The following RASGRF2 variants were observed in gnomAD, a reference collection of about 807,000 sequenced individuals.
RASGRF2 encodes Ras protein specific guanine nucleotide releasing factor 2.
In RASGRF2, 76 loss-of-function variants were observed where a neutral mutation model predicts 151.0. The ratio of observed to expected loss-of-function variants is 0.50; its 90% confidence interval spans 0.42 to 0.61. The LOEUF is 0.61. RASGRF2 is among the 20% of genes least tolerant of loss of function. The pLI, the probability that RASGRF2 is intolerant of heterozygous loss-of-function variation, is 0.00. For missense variants in RASGRF2, 1,148 were observed against 1,564.6 expected, an observed-to-expected ratio of 0.73 and a Z score of 4.49; for synonymous variants, 504 against 566.5, an observed-to-expected ratio of 0.89 and a Z score of 1.57.
At position 81,028,862 on chromosome 5, in the gene RASGRF2, C is replaced by T. The variant is rs181474722; in HGVS notation, c.289-14015C>T. Among the ~76,000 whole-genome samples, 560 of 152,226 alleles carry T rather than the reference C, an allele frequency of 3.7e-3. 13 individuals carry two copies. The highest frequency in any genetic ancestry group is 0.027 in the Admixed American group (419 of 15,302). ...AAGCAGGGCAGGGCATCACCTCACC[C>T]GGGAAGTGCAAGGGGTCGGGGAATT... On this transcript the variant is annotated intron_variant, in intron 1 of 26. Coordinates refer to ENST00000265080, the MANE Select transcript of RASGRF2 (RefSeq NM_006909.3).
At chr5:81,105,836 C>G (rs1305164330) in intron 12 of RASGRF2, among the ~76,000 whole-genome samples, 1 of 152,164 alleles carries the variant, frequency 6.6e-6, no homozygotes, top group Non-Finnish European at 1.5e-5. Context: ...TTGGGAAGAA[C>G]AGGGATGATG....
intron 1 of RASGRF2, among the ~76,000 whole-genome samples, chr5:80,985,945 A>ATG (rs749104439): frequency 4.2e-5 from 6 of 141,438 alleles, no homozygotes; most frequent in Non-Finnish European, 6.5e-5. Flanking sequence ...GTGTGTGTGT[A>ATG]TGTGTGTGTA....
At chr5:81,041,804 G>GT (rs1352097771) in intron 1 of RASGRF2, among the ~76,000 whole-genome samples, 1 of 152,132 alleles carries the variant, frequency 6.6e-6, no homozygotes, top group African/African-American at 2.4e-5. Flanking sequence ...TAATCAGTAT[G>GT]TAGAACCATT....
intron 1 of RASGRF2, among the ~76,000 whole-genome samples, chr5:80,961,427 T>C (rs1448601451): frequency 6.6e-6 from 1 of 152,212 alleles, no homozygotes; most frequent in Non-Finnish European, 1.5e-5. Flanking sequence ...AAAAGTTTGA[T>C]TTCTGCCATA....
At chr5:81,118,598 C>T (rs1236191609) in intron 15 of RASGRF2, among the ~76,000 whole-genome samples, 1 of 152,190 alleles carries the variant, frequency 6.6e-6, no homozygotes, top group Non-Finnish European at 1.5e-5. Flanking sequence ...ATCTTTTTAG[C>T]GAAAGGTCAC....
At position 81,112,683 on chromosome 5, in the gene RASGRF2, C is replaced by T; in HGVS notation, c.1912C>T (p.Gln638Ter). 2 of 1,614,212 alleles carry T rather than the reference C, an allele frequency of 1.2e-6. No individual in the cohort carries two copies. Among genetic ancestry groups the T allele is most frequent in the Non-Finnish European group, 1.7e-6 (2 of 1,180,036 alleles). ...AACACTCAACTCCTGCAAAGTGCCC[C>T]AGATCCGTTATGCCAGCGTGGAGCG... The part of the protein sequence containing the change: ...SKTLNSCKVP[Q>*]IRYASVERLL... Residue 638 changes from glutamine (Q) to a stop codon, truncating the protein, a stop_gained, in exon 14 of 27, where the codon CAG (glutamine) becomes TAG (stop). Coordinates refer to ENST00000265080, the MANE Select transcript of RASGRF2 (RefSeq NM_006909.3). LOFTEE classifies it high-confidence loss of function.
chr5:81,051,796 G>T (rs1055981548), intron 2 of RASGRF2, among the ~76,000 whole-genome samples: 3 of 152,080 alleles, frequency 2.0e-5, no homozygotes, highest in Admixed American at 6.6e-5. Context: ...GTGTGCATTT[G>T]TACATGAACA....
chr5:81,153,684 T>C (rs548003962), intron 17 of RASGRF2, among the ~76,000 whole-genome samples: 106 of 152,148 alleles, frequency 7.0e-4, no homozygotes, highest in African/African-American at 2.4e-3. Flanking sequence ...AGAAAGCAAA[T>C]AGAAAAATGG....
At chr5:80,961,485 G>A (rs756388056) in intron 1 of RASGRF2, among the ~76,000 whole-genome samples, 2 of 152,200 alleles carry the variant, frequency 1.3e-5, no homozygotes, top group East Asian at 1.9e-4. Flanking sequence ...TTTGACCACT[G>A]GTTGGGCTGG....
Position 80,973,757 on chromosome 5 carries a change from C to G in RASGRF2, c.288+12731C>G, listed in dbSNP as rs542679853. ...GGAAGTGGCCAAGAAGTGATGATCC[C>G]TTTTTGGGGATAGTACATTCAATGA... On this transcript the variant is annotated intron_variant, in intron 1 of 26. Transcript: ENST00000265080. Among the ~76,000 whole-genome samples, 7 of 152,274 alleles carry G rather than the reference C, an allele frequency of 4.6e-5. No individual in the cohort carries two copies. The South Asian group carries it at 1.2e-3, about 27-fold the overall frequency.
chr5:81,180,787 T>C (rs1425442931), intron 18 of RASGRF2, among the ~76,000 whole-genome samples: 1 of 151,604 alleles, frequency 6.6e-6, no homozygotes, highest in Non-Finnish European at 1.5e-5. Flanking sequence ...TTTTGTCTCA[T>C]GCCCGTTGAT....
intron 17 of RASGRF2, among the ~76,000 whole-genome samples, chr5:81,171,624 C>A (rs911686730): frequency 1.2e-4 from 18 of 151,920 alleles, no homozygotes; most frequent in African/African-American, 4.4e-4. Context: ...TTTTCAAAGG[C>A]CTTTCTGAGT....
chr5:81,134,700 C>G (rs966652766), intron 17 of RASGRF2, among the ~76,000 whole-genome samples: 3 of 152,144 alleles, frequency 2.0e-5, no homozygotes, highest in African/African-American at 7.2e-5. Context: ...CTCCATATTA[C>G]TTGTAGTAGA....
chr5:81,189,790 C>T (rs1755116150), intron 18 of RASGRF2, among the ~76,000 whole-genome samples: 1 of 150,748 alleles, frequency 6.6e-6, no homozygotes, highest in South Asian at 2.1e-4. Flanking sequence ...TGGCTCACTG[C>T]AACCTACACC....
intron 24 of RASGRF2, chr5:81,216,833 A>C (rs956180303): frequency 3.6e-5 from 11 of 301,990 alleles, no homozygotes; most frequent in Non-Finnish European, 7.4e-5. Context: ...AAAACCAAAC[A>C]AAACAGTGTC....
At chr5:81,171,639 T>C (rs977924618) in intron 17 of RASGRF2, among the ~76,000 whole-genome samples, 12 of 152,184 alleles carry the variant, frequency 7.9e-5, no homozygotes, top group African/African-American at 2.7e-4. Context: ...CTGAGTAATA[T>C]GGATTTTGCT....
At position 80,960,423 on chromosome 5, in the gene RASGRF2, G is replaced by A. The variant is rs1182682268; in HGVS notation, c.-316G>A. On this transcript the variant is annotated 5_prime_UTR_variant, in exon 1 of 27. Coordinates refer to ENST00000265080, the MANE Select transcript of RASGRF2 (RefSeq NM_006909.3). This position sits in a 1 kb window ranked among gnomAD's most constrained non-coding sequence, Gnocchi z 5.5. ...GGGCTCGGCTCCCGCAACTTTGGGC[G>A]AAGCGGCGGCCGGCTCGGGCGCCCT... is the stretch of plus-strand genomic sequence containing the variant. Among the ~76,000 whole-genome samples, 3 of 150,808 alleles carry A rather than the reference G, an allele frequency of 2.0e-5. No homozygotes were observed. The highest frequency in any genetic ancestry group is 7.3e-5 in the African/African-American group (3 of 41,306).
intron 17 of RASGRF2, among the ~76,000 whole-genome samples, chr5:81,144,012 A>G (rs955870451): frequency 6.6e-6 from 1 of 152,212 alleles, no homozygotes; most frequent in Admixed American, 6.5e-5. Flanking sequence ...GCAAAGCTGA[A>G]AATTATTATG....
intron 1 of RASGRF2, among the ~76,000 whole-genome samples, chr5:81,002,039 GT>G (rs747295663): frequency 1.3e-5 from 2 of 152,320 alleles, no homozygotes; most frequent in African/African-American, 4.8e-5. Context: ...TATCACTGTA[GT>G]TTTTTAGCAA....
Sources: gnomAD v4.1 joint callset for allele counts (sites outside exome capture counted in the v4.1 genomes callset) on GRCh38, gnomAD v4.1.1 for gene constraint, Gnocchi (gnomAD v3.1) non-coding constraint, MANE v1.5 for transcripts, NCBI Gene and HGNC (gene_info 2026-07-23, HGNC 2026-07-21) for gene names.